The following DIP2C variants were observed in gnomAD, a reference collection of about 807,000 sequenced individuals.
DIP2C encodes the protein disco-interacting protein 2 homolog C.
DIP2C carries 33 observed loss-of-function variants against 192.4 expected under a neutral mutation model. That is an observed-to-expected ratio of 0.17 (90% CI 0.13 to 0.23). DIP2C has a LOEUF of 0.23. DIP2C is among the 10% of genes least tolerant of loss of function. The probability of loss-of-function intolerance (pLI) is 1.00; values close to 1 mark genes in which losing one functional copy is unlikely to be tolerated. For missense variants in DIP2C, 1,537 were observed against 2,110.1 expected (o/e 0.73, Z 5.32); for synonymous variants, 979 against 864.1 (o/e 1.13, Z -2.33).
At chr10:419,919 G>A (rs904349241) in intron 5 of DIP2C, among the ~76,000 whole-genome samples, 1 of 152,204 alleles carries the variant, frequency 6.6e-6, no homozygotes, top group African/African-American at 2.4e-5. Flanking sequence ...GTGGCTGAAT[G>A]GGGAAAAGCA....
At chr10:356,699 A>C (rs1396587987) in intron 23 of DIP2C, among the ~76,000 whole-genome samples, 193 bp from the exon 24 acceptor site, 2 of 152,228 alleles carry the variant, frequency 1.3e-5, no homozygotes, top group Non-Finnish European at 2.9e-5. Flanking sequence ...CAGGACAAGC[A>C]AGTGCCCACA....
At chr10:585,402 A>C (rs566934139) in intron 1 of DIP2C, among the ~76,000 whole-genome samples, 6 of 152,344 alleles carry the variant, frequency 3.9e-5, no homozygotes, top group African/African-American at 1.4e-4. Context: ...AGTATTCCAC[A>C]TAGTATTACA....
intron 1 of DIP2C, among the ~76,000 whole-genome samples, chr10:557,993 G>GC (rs535309379): frequency 1.9e-3 from 294 of 152,218 alleles, no homozygotes; most frequent in African/African-American, 4.9e-3. Flanking sequence ...CTCACAGGGT[G>GC]CCGTCACATG....
Position 297,192 on chromosome 10 carries a change from AAAAAC to A in DIP2C, c.3987-8776_3987-8772del, listed in dbSNP as rs1331191292. Reference sequence around the variant, plus strand: ...CTGGGTAACAGAGTGAGACTGTCTCAAAAACAAAACAAAACAAAACAAAACCAACC... The same window carrying A: ...CTGGGTAACAGAGTGAGACTGTCTCAAAAACAAAACAAAACAAAACCAACC... On this transcript the variant is annotated intron_variant, in intron 32 of 36. Transcript: ENST00000280886. Among the ~76,000 whole-genome samples the A allele has an allele frequency of 1.9e-4, 29 of 151,426 alleles. 1 individual carries two copies. The South Asian group carries it at 2.9e-3, about 15-fold the overall frequency.
chr10:491,248 C>T (rs1442497554), intron 1 of DIP2C, among the ~76,000 whole-genome samples: 1 of 152,232 alleles, frequency 6.6e-6, no homozygotes, highest in African/African-American at 2.4e-5. Context: ...CGTGGCTCAG[C>T]TCCAAGCACA....
intron 1 of DIP2C, among the ~76,000 whole-genome samples, chr10:614,141 C>A (rs1358246980): frequency 6.6e-6 from 1 of 152,256 alleles, no homozygotes; most frequent in African/African-American, 2.4e-5. Flanking sequence ...GCCATGCACA[C>A]ATGGAGGCAT....
At chr10:344,358 C>T (rs1958310405) in intron 28 of DIP2C, among the ~76,000 whole-genome samples, 1 of 143,944 alleles carries the variant, frequency 6.9e-6, no homozygotes, top group Non-Finnish European at 1.5e-5. Context: ...GCAGACGGCA[C>T]ACAAGGCTGC....
At chr10:395,939 CCA>C (rs1385532316) in intron 10 of DIP2C, among the ~76,000 whole-genome samples, 4 of 152,182 alleles carry the variant, frequency 2.6e-5, no homozygotes, top group African/African-American at 7.2e-5. Flanking sequence ...TGCCCTCGGA[CCA>C]CAGAGAGTCC....
intron 1 of DIP2C, among the ~76,000 whole-genome samples, chr10:617,458 C>T (rs1411144414): frequency 1.3e-5 from 2 of 152,202 alleles, no homozygotes; most frequent in Admixed American, 6.5e-5. Flanking sequence ...ATCCAGCACA[C>T]GTGGGACCCT....
In DIP2C at chr10:479,328, CTTTTTTT is replaced by C. The variant is rs766379689; in HGVS notation, c.158-6786_158-6780del. On this transcript the variant is annotated intron_variant, in intron 2 of 36. Transcript: ENST00000280886. ...CCTAACCCCATGAATTCTCACACTG[CTTTTTTT>C]TTTTTTTTTTTTTTTTTAAGATGGA... Among the ~76,000 whole-genome samples the C allele has an allele frequency of 1.9e-4, 17 of 88,412 alleles. No individual in the cohort carries two copies. In the East Asian group the frequency reaches 4.1e-3, roughly 21 times the overall value. The allele number at this position is 88,412 out of a possible 152,430, so 58.0% of individuals were successfully genotyped here.
chr10:316,823 A>G (rs987427472), intron 31 of DIP2C, among the ~76,000 whole-genome samples: 2 of 152,248 alleles, frequency 1.3e-5, no homozygotes, highest in Non-Finnish European at 2.9e-5. Flanking sequence ...TGTTTTTTAA[A>G]AAGTTCAGAA....
At chr10:438,657 A>ATT (rs935835084) in intron 4 of DIP2C, among the ~76,000 whole-genome samples, 16 of 151,466 alleles carry the variant, frequency 1.1e-4, no homozygotes, top group African/African-American at 3.9e-4. Flanking sequence ...TGCCTGGCTG[A>ATT]TTTCTGTATT....
chr10:689,638 G>C lies in DIP2C; in HGVS notation c.-60C>G. The stretch of plus-strand genomic sequence containing the variant: ...TTTGTTCGCAGGCGGAGGTCTCGGC[G>C]GCTCCTCGCGCCCGGCGGAACCGCA... On this transcript the variant is annotated 5_prime_UTR_variant, in exon 1 of 37. Coordinates refer to ENST00000280886, the MANE Select transcript of DIP2C (RefSeq NM_014974.3). The surrounding 1 kb of genome is among the most constrained non-coding windows in gnomAD (Gnocchi z 6.1). 8.7e-6 allele frequency: 9 copies of C among 1,039,656 alleles called. No homozygotes were observed. Among genetic ancestry groups the C allele is most frequent in the Non-Finnish European group, 1.0e-5 (9 of 859,692 alleles). 64.4% of individuals were successfully genotyped at this position (1,039,656 alleles called of 1,614,324 possible).
intron 10 of DIP2C, among the ~76,000 whole-genome samples, chr10:395,225 A>G (rs116118354): frequency 0.015 from 2,253 of 151,998 alleles, 58 homozygotes; most frequent in African/African-American, 0.051. Flanking sequence ...TTTGAGATCT[A>G]TTGCAGAGCA....
In DIP2C at chr10:349,241, G is replaced by A. The variant is rs1029961080; in HGVS notation, c.3109+90C>T. 32 of 1,519,294 alleles carry A rather than the reference G, an allele frequency of 2.1e-5. No homozygotes were observed. In the East Asian group the frequency reaches 2.8e-4, roughly 13 times the overall value. The allele number at this position is 1,519,294 out of a possible 1,614,324, so 94.1% of individuals were successfully genotyped here. A position where few individuals can be genotyped will look rare whatever the true frequency, so the allele number is the denominator to read the frequency against. ...GACTCCCAGCCATGACGCGACCCTC[G>A]GCTCAGGCACCAGCGGGTGTAAGGG... On this transcript the variant is annotated intron_variant, in intron 25 of 36. Coordinates refer to ENST00000280886, the MANE Select transcript of DIP2C (RefSeq NM_014974.3).
intron 1 of DIP2C, among the ~76,000 whole-genome samples, chr10:613,663 T>C (rs1181579940): frequency 1.3e-5 from 2 of 152,218 alleles, no homozygotes; most frequent in African/African-American, 2.4e-5. Context: ...TGCTACTGAA[T>C]TACAATGGCA....
intron 1 of DIP2C, among the ~76,000 whole-genome samples, chr10:532,326 A>C (rs1847417685): frequency 6.6e-6 from 1 of 151,046 alleles, no homozygotes; most frequent in African/African-American, 2.4e-5. Context: ...CCCTTAAGCC[A>C]CTCCCTCTCT....
At chr10:357,093 T>C (rs1282920444) in intron 23 of DIP2C, among the ~76,000 whole-genome samples, 1 of 152,126 alleles carries the variant, frequency 6.6e-6, no homozygotes, top group Non-Finnish European at 1.5e-5. Flanking sequence ...AACCCACAGA[T>C]AAGGTTTCAT....
chr10:414,906 ATTTT>A (rs66514106), intron 7 of DIP2C, among the ~76,000 whole-genome samples: 10,992 of 82,786 alleles, frequency 0.13, 796 homozygotes, highest in African/African-American at 0.24. Context: ...ATATATATAT[ATTTT>A]TTTTTTTTTT....
Sources: allele counts gnomAD v4.1 joint callset (sites outside exome capture counted in the v4.1 genomes callset), GRCh38; gene constraint gnomAD v4.1.1; non-coding constraint Gnocchi (gnomAD v3.1); transcripts MANE v1.5; gene names NCBI Gene and HGNC (gene_info 2026-07-23, HGNC 2026-07-21).